Variants in SMOC2 observed in about 807,000 individuals in gnomAD.
SMOC2 encodes SPARC related modular calcium binding 2.
A neutral mutation model predicts 61.4 loss-of-function variants in SMOC2; 39 were observed. The observed-to-expected ratio is 0.64, with a 90% CI of 0.49 to 0.83. The LOEUF (loss-of-function observed/expected upper bound fraction) is 0.83, where lower values mean the gene tolerates loss of function less well. SMOC2 is among the 40% of genes least tolerant of loss of function. The pLI is 0.00. For missense variants in SMOC2, 556 were observed against 592.9 expected (o/e 0.94, Z 0.65); for synonymous variants, 247 against 239.9 (o/e 1.03, Z -0.27).
At chr6:168,630,142 C>T (rs1786528921) in intron 9 of SMOC2, among the ~76,000 whole-genome samples, 1 of 152,140 alleles carries the variant, frequency 6.6e-6, no homozygotes, top group Non-Finnish European at 1.5e-5. Flanking sequence ...CCTCCGTGGC[C>T]ACTTCTTGTT....
chr6:168,580,924 C>T (rs936803056), intron 7 of SMOC2, among the ~76,000 whole-genome samples: 4 of 152,166 alleles, frequency 2.6e-5, no homozygotes, highest in African/African-American at 7.2e-5. Flanking sequence ...ACCTACAGTG[C>T]GTGTAAATGT....
rs78981244 is a variant in SMOC2, at chr6:168,559,877, C to G, written c.637+10674C>G. 8.8e-3 allele frequency among the ~76,000 whole-genome samples: 1,336 copies of G among 152,248 alleles called. 21 individuals carry two copies. The highest frequency in any genetic ancestry group is 0.031 in the African/African-American group (1,269 of 41,540). On this transcript the variant is annotated intron_variant, in intron 7 of 12. Transcript: ENST00000356284. Reference sequence around the variant, plus strand: ...TGAAATCATCTTTCTCTGTAGTCACCCTTATCAAGTGCTGACTGATGAGGA... The same window carrying G: ...TGAAATCATCTTTCTCTGTAGTCACGCTTATCAAGTGCTGACTGATGAGGA...
At chr6:168,485,067 C>T (rs1782299312) in intron 1 of SMOC2, among the ~76,000 whole-genome samples, 1 of 152,024 alleles carries the variant, frequency 6.6e-6, no homozygotes, top group Non-Finnish European at 1.5e-5. Flanking sequence ...TATCACTTAA[C>T]TATGCGCTTA....
intron 1 of SMOC2, among the ~76,000 whole-genome samples, chr6:168,448,307 A>G (rs1200840987): frequency 3.2e-5 from 4 of 123,958 alleles, no homozygotes; most frequent in Non-Finnish European, 6.1e-5. Flanking sequence ...CACTCCCAGG[A>G]GGCTGGGGAG....
At chr6:168,606,442 C>T (rs1176025942) in intron 8 of SMOC2, among the ~76,000 whole-genome samples, 1 of 152,128 alleles carries the variant, frequency 6.6e-6, no homozygotes, top group Non-Finnish European at 1.5e-5. Flanking sequence ...CTATTGAGGG[C>T]CAAGGGTGGC....
intron 9 of SMOC2, among the ~76,000 whole-genome samples, chr6:168,620,666 G>C (rs908428868): frequency 5.3e-5 from 8 of 152,188 alleles, no homozygotes; most frequent in Non-Finnish European, 1.2e-4. Flanking sequence ...ACCGCAGACA[G>C]CATGGGCAGC....
chr6:168,483,554 C>T (rs1028757583), intron 1 of SMOC2, among the ~76,000 whole-genome samples: 1 of 152,084 alleles, frequency 6.6e-6, no homozygotes, highest in Non-Finnish European at 1.5e-5. Flanking sequence ...TTAACTCAAT[C>T]CCTATCAAAA....
chr6:168,585,148 G>C (rs146031598), intron 7 of SMOC2, among the ~76,000 whole-genome samples: 2 of 152,014 alleles, frequency 1.3e-5, no homozygotes, highest in African/African-American at 4.8e-5. Flanking sequence ...TTGCAGTCAC[G>C]GGGTTTTGCT....
intron 8 of SMOC2, among the ~76,000 whole-genome samples, chr6:168,603,514 T>C (rs1785609772): frequency 2.0e-5 from 3 of 152,056 alleles, no homozygotes; most frequent in African/African-American, 7.2e-5. Context: ...TCATTTACCT[T>C]TTATTCAGTA....
chr6:168,586,008 C>CT (rs1037361835), intron 7 of SMOC2, among the ~76,000 whole-genome samples: 57 of 152,056 alleles, frequency 3.7e-4, no homozygotes, highest in Admixed American at 1.1e-3. Flanking sequence ...ATGAAGTCCA[C>CT]TTTTTTTTGT....
chr6:168,535,124 C>G lies in SMOC2; in HGVS notation c.463+7397C>G, dbSNP rs1206206262. ...TAGCTGGGACTACAGGCACCCGCCA[C>G]CACGCCCAGCTAATGTTTTGTATTT... On this transcript the variant is annotated intron_variant, in intron 4 of 12. Coordinates refer to ENST00000356284, the MANE Select transcript of SMOC2 (RefSeq NM_001166412.2). The surrounding 1 kb of genome is among the most constrained non-coding windows in gnomAD (Gnocchi z 4.6). Among the ~76,000 whole-genome samples, 1 of 151,970 alleles carries G rather than the reference C, an allele frequency of 6.6e-6. No homozygotes were observed. Among genetic ancestry groups the G allele is most frequent in the East Asian group, 1.9e-4 (1 of 5,160 alleles).
Position 168,544,057 on chromosome 6 carries a change from G to A in SMOC2, c.511+385G>A, listed in dbSNP as rs1310012474. Among the ~76,000 whole-genome samples, 1 of 152,156 alleles carries A rather than the reference G, an allele frequency of 6.6e-6. No homozygotes were observed. The highest frequency in any genetic ancestry group is 2.1e-4 in the South Asian group (1 of 4,828). On this transcript the variant is annotated intron_variant, in intron 5 of 12. Transcript: ENST00000356284. The surrounding 1 kb of genome is among the most constrained non-coding windows in gnomAD (Gnocchi z 4.1). ...AGATGCCTCAACTCCTCCCTACAAG[G>A]AGGAAGAGGAACAGTTTTTCTACCT...
chr6:168,586,379 C>G (rs1785047601), intron 7 of SMOC2, among the ~76,000 whole-genome samples: 1 of 152,160 alleles, frequency 6.6e-6, no homozygotes, highest in Admixed American at 6.5e-5. Context: ...AACATCTAGT[C>G]TAGATTACTG....
At chr6:168,454,738 G>A (rs1489077252) in intron 1 of SMOC2, among the ~76,000 whole-genome samples, 3 of 152,204 alleles carry the variant, frequency 2.0e-5, no homozygotes, top group African/African-American at 7.2e-5. Flanking sequence ...ACAGCACTCC[G>A]GGTGTGTCTT....
chr6:168,451,079 G>A (rs1205246690), intron 1 of SMOC2, among the ~76,000 whole-genome samples: 1 of 152,176 alleles, frequency 6.6e-6, no homozygotes, highest in Non-Finnish European at 1.5e-5. Flanking sequence ...TGTGGCTAGA[G>A]CTCACTCCCT....
Position 168,666,681 on chromosome 6 carries a change from T to G in SMOC2, c.*243T>G. The stretch of plus-strand genomic sequence containing the variant: ...TTTGACCTTGGAAATCTGTATGTGG[T>G]GGAGAAGTATTTGAATGCATTTAGG... On this transcript the variant is annotated 3_prime_UTR_variant, in exon 13 of 13. Transcript: ENST00000356284. 1.8e-6 allele frequency: 1 copy of G among 563,514 alleles called. No individual in the cohort carries two copies. Among genetic ancestry groups the G allele is most frequent in the Non-Finnish European group, 3.2e-6 (1 of 311,902 alleles). The allele number at this position is 563,514 out of a possible 1,614,324, so 34.9% of individuals were successfully genotyped here.
chr6:168,535,876 G>A lies in SMOC2; in HGVS notation c.464-7749G>A, dbSNP rs1312929100. ...TGATGCAGCTTCACGGCACAGGGGC[G>A]CCGCCGGGGGAAGATGGGAGGGAGA... On this transcript the variant is annotated intron_variant, in intron 4 of 12. Transcript: ENST00000356284. This position sits in a 1 kb window ranked among gnomAD's most constrained non-coding sequence, Gnocchi z 4.6. Among the ~76,000 whole-genome samples, 1 of 151,292 alleles carries A rather than the reference G, an allele frequency of 6.6e-6. No individual in the cohort carries two copies. Among genetic ancestry groups the A allele is most frequent in the Non-Finnish European group, 1.5e-5 (1 of 67,846 alleles).
intron 1 of SMOC2, among the ~76,000 whole-genome samples, chr6:168,489,264 C>T (rs889221538): frequency 4.0e-5 from 6 of 148,642 alleles, no homozygotes; most frequent in East Asian, 4.1e-4. Context: ...TATATCGAAT[C>T]ATCTGGGTCC....
At chr6:168,485,412 A>T (rs900161079) in intron 1 of SMOC2, among the ~76,000 whole-genome samples, 3 of 152,364 alleles carry the variant, frequency 2.0e-5, no homozygotes, top group South Asian at 4.1e-4. Context: ...CCAAAAGGTG[A>T]AATCAACCTG....
Sources: allele counts gnomAD v4.1 joint callset (sites outside exome capture counted in the v4.1 genomes callset), GRCh38; gene constraint gnomAD v4.1.1; non-coding constraint Gnocchi (gnomAD v3.1); transcripts MANE v1.5; gene names NCBI Gene and HGNC (gene_info 2026-07-23, HGNC 2026-07-21).